KCNH8: variants seen among roughly 807,000 people sequenced by gnomAD.
KCNH8 encodes voltage-gated delayed rectifier potassium channel KCNH8.
In KCNH8, 70 loss-of-function variants were observed where a neutral mutation model predicts 103.6. That is an observed-to-expected ratio of 0.68 (90% CI 0.56 to 0.82). KCNH8 has a LOEUF of 0.82. KCNH8 is among the 40% of genes least tolerant of loss of function. KCNH8 has a pLI of 0.00. For missense variants in KCNH8, 1,217 were observed against 1,329.9 expected, an observed-to-expected ratio of 0.92 and a Z score of 1.32; for synonymous variants, 498 against 489.4, an observed-to-expected ratio of 1.02 and a Z score of -0.23.
Position 19,448,848 on chromosome 3 carries a change from A to G in KCNH8, c.1376-1258A>G, listed in dbSNP as rs188690059. 640 of 445,936 alleles carry G rather than the reference A, an allele frequency of 1.4e-3. 2 individuals carry two copies. Among genetic ancestry groups the G allele is most frequent in the Middle Eastern group, 1.8e-3 (5 of 2,840 alleles). 27.6% of individuals were successfully genotyped at this position (445,936 alleles called of 1,614,324 possible). ...TTCCTAATCCTGTCCCAGAATAAGGATCAGGGATAAAATCTGAATATTACT... is the reference window on the plus strand; with the variant it reads ...TTCCTAATCCTGTCCCAGAATAAGGGTCAGGGATAAAATCTGAATATTACT... On this transcript the variant is annotated intron_variant, in intron 8 of 15. Transcript: ENST00000328405.
intron 5 of KCNH8, among the ~76,000 whole-genome samples, chr3:19,376,140 C>T (rs1459603407): frequency 6.6e-6 from 1 of 151,248 alleles, no homozygotes; most frequent in Non-Finnish European, 1.5e-5. Context: ...GTTCGAGCGT[C>T]CAGGCTGCTT....
At chr3:19,281,653 G>C (rs1329147103) in intron 3 of KCNH8, among the ~76,000 whole-genome samples, 1 of 152,084 alleles carries the variant, frequency 6.6e-6, no homozygotes, top group East Asian at 1.9e-4. Flanking sequence ...GATGGGATAA[G>C]TGTCTTTAGG....
chr3:19,150,351 T>G lies in KCNH8; in HGVS notation c.76+1556T>G, dbSNP rs1336220683. 2.2e-5 allele frequency among the ~76,000 whole-genome samples: 3 copies of G among 137,506 alleles called. No homozygotes were observed. The East Asian group carries it at 5.8e-4, about 27-fold the overall frequency. 90.2% of individuals were successfully genotyped at this position (137,506 alleles called of 152,430 possible). A position where few individuals can be genotyped will look rare whatever the true frequency, so the allele number is the denominator to read the frequency against. ...GTACTGATCAGTTTAATGTGGATGT[T>G]TTTTTTTTTGAAGTTGAACATCCAA... is the stretch of plus-strand genomic sequence containing the variant. On this transcript the variant is annotated intron_variant, in intron 1 of 15. Coordinates refer to ENST00000328405, the MANE Select transcript of KCNH8 (RefSeq NM_144633.3).
At chr3:19,407,335 G>A (rs2066707486) in intron 7 of KCNH8, among the ~76,000 whole-genome samples, 2 of 152,056 alleles carry the variant, frequency 1.3e-5, no homozygotes, top group African/African-American at 4.8e-5. Context: ...ATTCAGACAA[G>A]AATTTATCTG....
At chr3:19,419,513 T>C (rs1434102967) in intron 7 of KCNH8, among the ~76,000 whole-genome samples, 1 of 151,822 alleles carries the variant, frequency 6.6e-6, no homozygotes, top group African/African-American at 2.4e-5. Context: ...TAAAATGTTT[T>C]ATGTGGCCTT....
At chr3:19,238,544 A>G (rs547958760) in intron 1 of KCNH8, among the ~76,000 whole-genome samples, 188 of 152,358 alleles carry the variant, frequency 1.2e-3, no homozygotes, top group African/African-American at 4.4e-3. Context: ...TTATGATTTA[A>G]TAACCGCATG....
At chr3:19,468,189 T>G (rs959866883) in intron 11 of KCNH8, among the ~76,000 whole-genome samples, 2 of 152,214 alleles carry the variant, frequency 1.3e-5, no homozygotes, top group African/African-American at 4.8e-5. Flanking sequence ...CAAAACCTAT[T>G]TTATGAAACC....
chr3:19,320,881 G>C (rs949150877), intron 3 of KCNH8, among the ~76,000 whole-genome samples: 1 of 151,700 alleles, frequency 6.6e-6, no homozygotes, highest in African/African-American at 2.4e-5. Context: ...TGTGTTCAGA[G>C]TTTCTATTTC....
intron 1 of KCNH8, among the ~76,000 whole-genome samples, chr3:19,234,299 T>C (rs1185178555): frequency 6.6e-6 from 1 of 152,080 alleles, no homozygotes; most frequent in East Asian, 1.9e-4. Flanking sequence ...CCTCAGGCCT[T>C]GGGTGGTCCA....
At chr3:19,394,030 A>C (rs1372133886) in intron 6 of KCNH8, among the ~76,000 whole-genome samples, 1 of 152,000 alleles carries the variant, frequency 6.6e-6, no homozygotes, top group African/African-American at 2.4e-5. Context: ...AAGAATTGGA[A>C]GTCAACTGAC....
chr3:19,531,413 C>T (rs947322146), intron 15 of KCNH8, among the ~76,000 whole-genome samples: 4 of 152,176 alleles, frequency 2.6e-5, no homozygotes, highest in African/African-American at 9.7e-5. Context: ...GATTTCAAAG[C>T]ATATTGAATT....
intron 5 of KCNH8, among the ~76,000 whole-genome samples, chr3:19,369,724 A>G (rs2066061788): frequency 6.6e-6 from 1 of 151,926 alleles, no homozygotes; most frequent in African/African-American, 2.4e-5. Flanking sequence ...TGAATGATCT[A>G]GTAAGTCATA....
At chr3:19,457,083 T>A in intron 11 of KCNH8, 101 bp downstream of exon 11, 1 of 708,520 alleles carries the variant, frequency 1.4e-6, no homozygotes, top group Non-Finnish European at 2.3e-6. Context: ...TTAAAAAGTC[T>A]CTGAATATCT....
chr3:19,455,390 TC>T (rs2067515290), intron 10 of KCNH8, among the ~76,000 whole-genome samples: 2 of 152,102 alleles, frequency 1.3e-5, no homozygotes, highest in African/African-American at 4.8e-5. Flanking sequence ...TGCAGATGCA[TC>T]CCATCACCTT....
In KCNH8 at chr3:19,450,099, T is replaced by C. The variant is rs376646117; in HGVS notation, c.1376-7T>C. The C allele has an allele frequency of 2.0e-5, 33 of 1,612,542 alleles. No homozygotes were observed. Among genetic ancestry groups the C allele is most frequent in the Non-Finnish European group, 2.8e-5 (33 of 1,178,932 alleles). On this transcript the variant is annotated splice_region_variant and splice_polypyrimidine_tract_variant and intron_variant, in intron 8 of 15. Transcript: ENST00000328405. ...TCTTCCATTATATACTGTGTTGTTC[T>C]TTCTAGCCTTGATGCACGCCTTGGT... is the stretch of plus-strand genomic sequence containing the variant.
chr3:19,248,343 T>C (rs1461843977), intron 1 of KCNH8, among the ~76,000 whole-genome samples: 2 of 152,162 alleles, frequency 1.3e-5, no homozygotes, highest in African/African-American at 4.8e-5. Context: ...AGTGGCTGTA[T>C]GCAAAACATT....
Position 19,415,154 on chromosome 3 carries a change from A to G in KCNH8, c.1177+19843A>G, listed in dbSNP as rs17005928. Among the ~76,000 whole-genome samples the G allele has an allele frequency of 6.2e-3, 938 of 152,090 alleles. 13 individuals are homozygous for G. The highest frequency in any genetic ancestry group is 0.021 in the African/African-American group (867 of 41,544). ...TGAATAATCACAAATGAAAGAAATG[A>G]TGGTAATAATAATAATAGCAGACAT... On this transcript the variant is annotated intron_variant, in intron 7 of 15. Transcript: ENST00000328405.
chr3:19,377,151 G>T (rs553979796), intron 5 of KCNH8, among the ~76,000 whole-genome samples: 1 of 152,348 alleles, frequency 6.6e-6, no homozygotes, highest in African/African-American at 2.4e-5. Flanking sequence ...GTTAACAGCT[G>T]TAGCAGCCAA....
intron 5 of KCNH8, among the ~76,000 whole-genome samples, chr3:19,387,409 T>G (rs905883278): frequency 1.3e-5 from 2 of 152,176 alleles, no homozygotes; most frequent in Admixed American, 1.3e-4. Context: ...TTCAAACACT[T>G]TACTTAAATC....
Sources: gnomAD v4.1 joint callset for allele counts (sites outside exome capture counted in the v4.1 genomes callset) on GRCh38, gnomAD v4.1.1 for gene constraint, MANE v1.5 for transcripts, NCBI Gene and HGNC (gene_info 2026-07-23, HGNC 2026-07-21) for gene names.